Variants in ULK4 observed in about 807,000 individuals in gnomAD.
ULK4 encodes unc-51 like kinase 4.
A neutral mutation model predicts 160.6 loss-of-function variants in ULK4; 133 were observed. The ratio of observed to expected loss-of-function variants is 0.83; its 90% CI spans 0.72 to 0.96. ULK4 has a LOEUF of 0.96. ULK4 is among the 40% of genes least tolerant of loss of function. The pLI is 0.00. For synonymous variants in ULK4, 534 were observed against 539.8 expected, an observed-to-expected ratio of 0.99 and a Z score of 0.15; for missense variants, 1,580 against 1,499.5, an observed-to-expected ratio of 1.05 and a Z score of -0.89.
chr3:41,395,725 A>G (rs921368681), intron 35 of ULK4, among the ~76,000 whole-genome samples: 2 of 152,198 alleles, frequency 1.3e-5, no homozygotes, highest in Admixed American at 6.6e-5. Flanking sequence ...AACAATGTGA[A>G]TATGCTTAAT....
intron 27 of ULK4, among the ~76,000 whole-genome samples, chr3:41,704,703 C>T (rs1051487317): frequency 6.6e-6 from 1 of 152,126 alleles, no homozygotes. Flanking sequence ...CCAGAATGCA[C>T]GGGACAGCCC....
intron 32 of ULK4, among the ~76,000 whole-genome samples, chr3:41,544,500 T>G (rs947000877): frequency 1.3e-5 from 2 of 152,240 alleles, no homozygotes; most frequent in African/African-American, 2.4e-5. Flanking sequence ...GCCCTATGCA[T>G]GCACACAGCC....
chr3:41,953,285 C>CACACATATATATATAT (rs374288098), intron 2 of ULK4, among the ~76,000 whole-genome samples: 26 of 85,918 alleles, frequency 3.0e-4, no homozygotes, highest in South Asian at 9.1e-4. Context: ...CATATATACA[C>CACACATATATATATAT]ATATATATAT....
intron 17 of ULK4, among the ~76,000 whole-genome samples, chr3:41,881,966 G>A (rs1160553705): frequency 1.3e-5 from 2 of 152,074 alleles, no homozygotes; most frequent in South Asian, 4.1e-4. Flanking sequence ...GGAACTGCTG[G>A]GCCAAACTCT....
chr3:41,347,413 G>A (rs1470138997), intron 35 of ULK4, among the ~76,000 whole-genome samples: 2 of 152,220 alleles, frequency 1.3e-5, no homozygotes, highest in African/African-American at 4.8e-5. Context: ...CAAGACAGAT[G>A]TTTTGTGCTC....
chr3:41,423,465 T>C (rs2082704842), intron 34 of ULK4, among the ~76,000 whole-genome samples: 1 of 152,200 alleles, frequency 6.6e-6, no homozygotes, highest in Admixed American at 6.5e-5. Flanking sequence ...GGGCTCAGGC[T>C]GCCTTTAACA....
intron 30 of ULK4, among the ~76,000 whole-genome samples, chr3:41,655,717 T>C (rs1308025774): frequency 6.6e-6 from 1 of 152,100 alleles, no homozygotes; most frequent in Non-Finnish European, 1.5e-5. Flanking sequence ...CATAGCTACA[T>C]AGTTATTTCA....
rs138941445 is a variant in ULK4 at position 41,288,133 on chromosome 3, A to G, written c.3679-38559T>C. ...GTTTGAGTCTAGTTATTCTCTGTAT[A>G]TAGTTTTGTGGAAAATCAAAACTAA... On this transcript the variant is annotated intron_variant, in intron 35 of 36. Transcript: ENST00000301831. Among the ~76,000 whole-genome samples the G allele has an allele frequency of 3.2e-3, 487 of 152,326 alleles. 3 individuals are homozygous for G. The highest frequency in any genetic ancestry group is 0.011 in the African/African-American group (457 of 41,574).
intron 22 of ULK4, among the ~76,000 whole-genome samples, chr3:41,750,247 T>C (rs2038570706): frequency 6.6e-6 from 1 of 152,202 alleles, no homozygotes; most frequent in Non-Finnish European, 1.5e-5. Context: ...AAAGACAAGG[T>C]AACAACATTC....
intron 32 of ULK4, among the ~76,000 whole-genome samples, chr3:41,515,315 T>C (rs2125926952): frequency 6.6e-6 from 1 of 151,856 alleles, no homozygotes; most frequent in African/African-American, 2.4e-5. Context: ...TAAACAGATA[T>C]AGATAGATAT....
At chr3:41,561,593 G>A (rs1051618620) in intron 32 of ULK4, among the ~76,000 whole-genome samples, 3 of 152,066 alleles carry the variant, frequency 2.0e-5, no homozygotes, top group Admixed American at 6.6e-5. Context: ...GTCTTGGAAG[G>A]GTGTAGATGT....
chr3:41,940,061 C>A (rs552853405), intron 2 of ULK4, among the ~76,000 whole-genome samples: 2 of 151,642 alleles, frequency 1.3e-5, no homozygotes, highest in Admixed American at 6.6e-5. Context: ...GAAATTGACA[C>A]TTCTAGTCTT....
intron 17 of ULK4, among the ~76,000 whole-genome samples, chr3:41,846,795 ACTCT>A (rs772558786): frequency 7.5e-6 from 1 of 133,952 alleles, no homozygotes; most frequent in Non-Finnish European, 1.5e-5. Flanking sequence ...ACAGAGCGAG[ACTCT>A]CTCTCTCAAA....
At chr3:41,826,303 T>G (rs980024771) in intron 18 of ULK4, among the ~76,000 whole-genome samples, 1 of 151,958 alleles carries the variant, frequency 6.6e-6, no homozygotes, top group African/African-American at 2.4e-5. Flanking sequence ...AATTCACACA[T>G]AACAATATTA....
chr3:41,912,092 C>A (rs1037149158), intron 9 of ULK4, among the ~76,000 whole-genome samples: 1 of 151,988 alleles, frequency 6.6e-6, no homozygotes, highest in Non-Finnish European at 1.5e-5. Context: ...CTTTGGGAGG[C>A]CACAGCGGGC....
chr3:41,527,292 T>C (rs1353395), intron 32 of ULK4, among the ~76,000 whole-genome samples: 18,984 of 152,246 alleles, frequency 0.12, 1,513 homozygotes, highest in Admixed American at 0.18. Context: ...GTACAAAGCA[T>C]TACTGGGAGA....
chr3:41,593,147 T>G (rs928061982), intron 31 of ULK4, among the ~76,000 whole-genome samples: 3 of 152,230 alleles, frequency 2.0e-5, no homozygotes, highest in Non-Finnish European at 4.4e-5. Context: ...TTATTTTTGT[T>G]GGCCAGTCTC....
chr3:41,679,993 C>A (rs2035868446), intron 29 of ULK4, among the ~76,000 whole-genome samples: 1 of 152,140 alleles, frequency 6.6e-6, no homozygotes, highest in Non-Finnish European at 1.5e-5. Context: ...GGACTACAGG[C>A]ACGAGCCACT....
chr3:41,798,659 G>C (rs1307347559), intron 20 of ULK4, among the ~76,000 whole-genome samples: 1 of 152,068 alleles, frequency 6.6e-6, no homozygotes, highest in Non-Finnish European at 1.5e-5. Flanking sequence ...GGAAAAGTGG[G>C]CCGGAAAAGA....
Sources: allele counts gnomAD v4.1 joint callset (sites outside exome capture counted in the v4.1 genomes callset), GRCh38; gene constraint gnomAD v4.1.1; transcripts MANE v1.5; gene names NCBI Gene and HGNC (gene_info 2026-07-23, HGNC 2026-07-21).